FOXO1: variants seen among roughly 807,000 people sequenced by gnomAD.
FOXO1 encodes the protein forkhead box O1.
Under a neutral mutation model 44.1 loss-of-function variants are expected in FOXO1, and 6 were observed. The ratio of observed to expected loss-of-function variants is 0.14; its 90% CI spans 0.07 to 0.27. FOXO1 has a LOEUF of 0.27. Among genes scored for constraint, FOXO1 ranks in the 10% least tolerant of loss-of-function variants. The pLI is 1.00. For synonymous variants in FOXO1, 380 were observed against 362.7 expected (o/e 1.05, Z -0.54); for missense variants, 737 against 888.8 (o/e 0.83, Z 2.17).
rs1290725539 is a variant in FOXO1 at position 40,558,914 on chromosome 13, G to A, written c.*135C>T. On this transcript the variant is annotated 3_prime_UTR_variant, in exon 3 of 3. Transcript: ENST00000379561. ...AAGTCTGACGAAAGGAAAAAAGGAG[G>A]GTTTTTTTTTTTGTTTTTTTTTTTA... 2.7e-6 allele frequency: 1 copy of A among 377,176 alleles called. No homozygotes were observed. The highest frequency in any genetic ancestry group is 2.5e-5 in the African/African-American group (1 of 40,460). 23.4% of individuals were successfully genotyped at this position (377,176 alleles called of 1,614,324 possible).
intron 1 of FOXO1, among the ~76,000 whole-genome samples, chr13:40,575,667 T>C (rs927217504): frequency 6.6e-6 from 1 of 152,236 alleles, no homozygotes; most frequent in Non-Finnish European, 1.5e-5. Context: ...TACCGATCAA[T>C]GTAATTTTCA....
rs2137819611 is a variant in FOXO1 at position 40,558,655 on chromosome 13, C to T, written c.*394G>A. 1 of 394,528 alleles carries T rather than the reference C, an allele frequency of 2.5e-6. No homozygotes were observed. Among genetic ancestry groups the T allele is most frequent in the East Asian group, 3.6e-5 (1 of 27,858 alleles). 24.4% of individuals were successfully genotyped at this position (394,528 alleles called of 1,614,324 possible). A position where few individuals can be genotyped will look rare whatever the true frequency, so the allele number is the denominator to read the frequency against. On this transcript the variant is annotated 3_prime_UTR_variant, in exon 3 of 3. Transcript: ENST00000379561. ...AAAAGAGTATAAACTTTCCTTGGAC[C>T]AATTGGATATTTAGAAAAACCAAAA...
At chr13:40,563,853 A>G (rs1874148944) in intron 1 of FOXO1, among the ~76,000 whole-genome samples, 1 of 152,226 alleles carries the variant, frequency 6.6e-6, no homozygotes, top group Non-Finnish European at 1.5e-5. Context: ...CCTTAAGATC[A>G]GCAGGCCCGC....
intron 1 of FOXO1, among the ~76,000 whole-genome samples, chr13:40,623,301 G>C (rs866861831): frequency 1.3e-5 from 2 of 152,226 alleles, no homozygotes; most frequent in African/African-American, 4.8e-5. Context: ...GGGTCCGTGT[G>C]GGGCATTAGT....
At chr13:40,578,872 C>A (rs1874859580) in intron 1 of FOXO1, among the ~76,000 whole-genome samples, 1 of 152,114 alleles carries the variant, frequency 6.6e-6, no homozygotes, top group South Asian at 2.1e-4. Context: ...ACATGCACAC[C>A]CCTCCACGCA....
chr13:40,582,569 T>A (rs1185415451), intron 1 of FOXO1, among the ~76,000 whole-genome samples: 4 of 152,200 alleles, frequency 2.6e-5, no homozygotes, highest in African/African-American at 9.7e-5. Flanking sequence ...CTAAAGCCTT[T>A]ACTGTCATTT....
chr13:40,658,145 T>C (rs913105159), intron 1 of FOXO1, among the ~76,000 whole-genome samples: 1 of 152,198 alleles, frequency 6.6e-6, no homozygotes, highest in Non-Finnish European at 1.5e-5. Flanking sequence ...GATTGGAAGT[T>C]GGTGAACTGA....
intron 1 of FOXO1, among the ~76,000 whole-genome samples, chr13:40,625,082 G>A (rs950188898): frequency 6.6e-6 from 1 of 152,168 alleles, no homozygotes; most frequent in Non-Finnish European, 1.5e-5. Context: ...TGGATTATTA[G>A]TGAAGACAAA....
In FOXO1 at chr13:40,665,913, C is replaced by CGCG. The variant is rs1412260812; in HGVS notation, c.297_299dup (p.Ala102dup). Reference sequence around the variant, plus strand: ...CCCCGCACAGCCCCCCGGTGGCGGCCGCGGCGGCCGCCGCCGCCACCGCCG... The same window carrying CGCG: ...CCCCGCACAGCCCCCCGGTGGCGGCCGCGGCGGCGGCCGCCGCCGCCACCGCCG... On this transcript the variant is annotated inframe_insertion, in exon 1 of 3. Transcript: ENST00000379561. 87 of 1,188,482 alleles carry CGCG rather than the reference C, an allele frequency of 7.3e-5. No homozygotes were observed. The East Asian group carries it at 3.0e-3, about 41-fold the overall frequency. 73.6% of individuals were successfully genotyped at this position (1,188,482 alleles called of 1,614,324 possible). A position where few individuals can be genotyped will look rare whatever the true frequency, so the allele number is the denominator to read the frequency against.
intron 1 of FOXO1, among the ~76,000 whole-genome samples, chr13:40,595,311 G>A (rs1013817877): frequency 1.3e-5 from 2 of 152,078 alleles, no homozygotes; most frequent in African/African-American, 4.8e-5. Flanking sequence ...AGTTGGAGGG[G>A]GACTGAGTAC....
At chr13:40,568,340 T>C (rs1180694647) in intron 1 of FOXO1, among the ~76,000 whole-genome samples, 2 of 152,230 alleles carry the variant, frequency 1.3e-5, no homozygotes, top group Non-Finnish European at 2.9e-5. Flanking sequence ...ATGTGTGCGA[T>C]TGTTATGCAG....
chr13:40,665,122 G>A (rs894732035), intron 1 of FOXO1, among the ~76,000 whole-genome samples: 1 of 150,954 alleles, frequency 6.6e-6, no homozygotes, highest in Non-Finnish European at 1.5e-5. Context: ...GAGGCTCCGG[G>A]GCCCCTCGCC....
Position 40,619,622 on chromosome 13 carries a change from T to C in FOXO1, c.630+45961A>G. 3.9e-6 allele frequency: 6 copies of C among 1,542,038 alleles called. No individual in the cohort carries two copies. The South Asian group carries it at 4.5e-5, about 11-fold the overall frequency. The stretch of plus-strand genomic sequence containing the variant: ...AGGCAACAAAGGTCATCTAGTCCTG[T>C]GGCTAGGCGAACAAGAAGCCAAACC... On this transcript the variant is annotated intron_variant, in intron 1 of 2. Transcript: ENST00000379561.
intron 1 of FOXO1, chr13:40,620,640 C>G (rs1448544717): frequency 2.4e-6 from 1 of 410,966 alleles, no homozygotes; most frequent in Non-Finnish European, 4.6e-6. Context: ...GCAGCCAGCA[C>G]AGGGAACGGG....
chr13:40,658,685 T>C (rs572433334), intron 1 of FOXO1, among the ~76,000 whole-genome samples: 1 of 152,114 alleles, frequency 6.6e-6, no homozygotes, highest in Non-Finnish European at 1.5e-5. Context: ...GAATCCAAGA[T>C]AAGAAACGAT....
chr13:40,600,618 G>A (rs1378580763), intron 1 of FOXO1, among the ~76,000 whole-genome samples: 1 of 152,156 alleles, frequency 6.6e-6, no homozygotes, highest in Non-Finnish European at 1.5e-5. Flanking sequence ...CATCTTCAAA[G>A]TATTACTTTG....
intron 1 of FOXO1, among the ~76,000 whole-genome samples, chr13:40,624,976 G>C (rs959146121): frequency 2.6e-5 from 4 of 152,240 alleles, no homozygotes; most frequent in South Asian, 2.1e-4. Flanking sequence ...TTGGATGCTA[G>C]GTAAAAGTAA....
At chr13:40,575,310 T>C (rs1874703064) in intron 1 of FOXO1, among the ~76,000 whole-genome samples, 1 of 152,112 alleles carries the variant, frequency 6.6e-6, no homozygotes, top group Non-Finnish European at 1.5e-5. Context: ...CAATGCACTC[T>C]AGCCTGGGTG....
intron 1 of FOXO1, among the ~76,000 whole-genome samples, chr13:40,631,434 T>G (rs1361009870): frequency 6.6e-6 from 1 of 151,786 alleles, no homozygotes; most frequent in African/African-American, 2.4e-5. Flanking sequence ...AAGCACAAGC[T>G]ACAAAAGAAA....
Sources: allele counts gnomAD v4.1 joint callset (sites outside exome capture counted in the v4.1 genomes callset), GRCh38; gene constraint gnomAD v4.1.1; transcripts MANE v1.5; gene names NCBI Gene and HGNC (gene_info 2026-07-23, HGNC 2026-07-21).